Variants in NAALADL2 observed in about 807,000 individuals in gnomAD.
NAALADL2 encodes inactive N-acetylated-alpha-linked acidic dipeptidase-like protein 2.
NAALADL2 carries 76 observed loss-of-function variants against 87.2 expected under a neutral mutation model. That is an observed-to-expected ratio of 0.87 (90% CI 0.72 to 1.05). The LOEUF (loss-of-function observed/expected upper bound fraction) is 1.05, where lower values mean the gene tolerates loss of function less well. Among genes scored for constraint, NAALADL2 ranks in the 50% least tolerant of loss-of-function variants. NAALADL2 has a pLI of 0.00. For synonymous variants in NAALADL2, 354 were observed against 331.0 expected, an observed-to-expected ratio of 1.07 and a Z score of -0.75; for missense variants, 1,089 against 945.8, an observed-to-expected ratio of 1.15 and a Z score of -1.99.
intron 1 of NAALADL2, among the ~76,000 whole-genome samples, chr3:174,466,258 T>G (rs1350424245): frequency 6.6e-6 from 1 of 152,118 alleles, no homozygotes; most frequent in African/African-American, 2.4e-5. Context: ...ATAAAGTTTC[T>G]TAAAACATTA....
chr3:174,988,361 A>G (rs1036063295), intron 1 of NAALADL2, among the ~76,000 whole-genome samples: 1 of 152,232 alleles, frequency 6.6e-6, no homozygotes, highest in African/African-American at 2.4e-5. Flanking sequence ...GTCAGGACTT[A>G]TATTACTTAA....
intron 2 of NAALADL2, among the ~76,000 whole-genome samples, chr3:175,147,812 G>A (rs1580693698): frequency 2.0e-5 from 3 of 152,170 alleles, no homozygotes; most frequent in African/African-American, 7.2e-5. Flanking sequence ...GCTCACGCCT[G>A]TAATCCCAGC....
At chr3:175,598,108 A>G (rs1054736157) in intron 10 of NAALADL2, among the ~76,000 whole-genome samples, 1 of 152,008 alleles carries the variant, frequency 6.6e-6, no homozygotes, top group Non-Finnish European at 1.5e-5. Flanking sequence ...CAATCTTGTT[A>G]GTTTCATGCT....
intron 11 of NAALADL2, among the ~76,000 whole-genome samples, chr3:175,655,138 A>G (rs930485171): frequency 2.6e-5 from 4 of 152,136 alleles, no homozygotes; most frequent in African/African-American, 4.8e-5. Context: ...GTTAACATTT[A>G]TCTCAACTGT....
At chr3:174,524,141 A>T (rs1044272007) in intron 1 of NAALADL2, among the ~76,000 whole-genome samples, 3 of 152,314 alleles carry the variant, frequency 2.0e-5, no homozygotes, top group South Asian at 4.1e-4. Flanking sequence ...TGTATTAAAA[A>T]TTTTTACTGA....
At chr3:175,137,343 A>C (rs1272356236) in intron 2 of NAALADL2, among the ~76,000 whole-genome samples, 1 of 152,112 alleles carries the variant, frequency 6.6e-6, no homozygotes, top group African/African-American at 2.4e-5. Flanking sequence ...ACGTTATATC[A>C]TTAGAATTTC....
chr3:175,119,973 C>T (rs184011230), intron 2 of NAALADL2, among the ~76,000 whole-genome samples: 29 of 149,938 alleles, frequency 1.9e-4, no homozygotes, highest in African/African-American at 6.8e-4. Flanking sequence ...GGGGAAAGGC[C>T]GGTGTTGTAA....
At chr3:175,509,857 T>A (rs532066078) in intron 9 of NAALADL2, among the ~76,000 whole-genome samples, 1 of 152,190 alleles carries the variant, frequency 6.6e-6, no homozygotes, top group Admixed American at 6.5e-5. Flanking sequence ...TATTTTATTT[T>A]ATTATTATTA....
intron 2 of NAALADL2, among the ~76,000 whole-genome samples, chr3:175,123,997 A>C (rs560039626): frequency 1.3e-5 from 2 of 152,112 alleles, no homozygotes; most frequent in East Asian, 3.9e-4. Flanking sequence ...AAAGAACATC[A>C]GGGTAGCCAT....
chr3:174,607,729 A>AC (rs1266887034), intron 2 of NAALADL2, among the ~76,000 whole-genome samples: 1 of 152,030 alleles, frequency 6.6e-6, no homozygotes, highest in African/African-American at 2.4e-5. Context: ...AGACTTTAAC[A>AC]CCCCCCTGTC....
intron 1 of NAALADL2, chr3:174,864,021 A>G (rs1020629081): frequency 6.6e-6 from 3 of 454,906 alleles, no homozygotes; most frequent in Non-Finnish European, 8.8e-6. Context: ...AAGTCTCATA[A>G]TCTCAAAACA....
At chr3:174,735,126 C>T (rs1311871963) in intron 2 of NAALADL2, among the ~76,000 whole-genome samples, 2 of 152,072 alleles carry the variant, frequency 1.3e-5, no homozygotes, top group Non-Finnish European at 2.9e-5. Flanking sequence ...GAGAGTGAAG[C>T]ACAAATAAGT....
At chr3:175,005,003 A>T (rs1748825416) in intron 1 of NAALADL2, among the ~76,000 whole-genome samples, 1 of 152,164 alleles carries the variant, frequency 6.6e-6, no homozygotes, top group African/African-American at 2.4e-5. Flanking sequence ...CACCTGAAAA[A>T]CAGAAAACGA....
At chr3:175,536,913 CG>C (rs1734899864) in intron 9 of NAALADL2, among the ~76,000 whole-genome samples, 1 of 152,074 alleles carries the variant, frequency 6.6e-6, no homozygotes, top group South Asian at 2.1e-4. Context: ...ACCCGGGAGG[CG>C]GAGCTTGCAA....
intron 1 of NAALADL2, among the ~76,000 whole-genome samples, chr3:174,918,559 C>A (rs745859368): frequency 6.6e-6 from 1 of 152,058 alleles, no homozygotes; most frequent in Non-Finnish European, 1.5e-5. Flanking sequence ...AAGGATCTGG[C>A]GGTTGATTGG....
intron 3 of NAALADL2, among the ~76,000 whole-genome samples, chr3:174,845,152 A>T (rs9834318): frequency 0.48 from 72,280 of 152,054 alleles, 17,835 homozygotes; most frequent in African/African-American, 0.61. Context: ...TGGGTTAATA[A>T]ACCTAAGCAC....
intron 3 of NAALADL2, among the ~76,000 whole-genome samples, chr3:174,766,981 A>G (rs1338178672): frequency 6.6e-6 from 1 of 152,170 alleles, no homozygotes; most frequent in Non-Finnish European, 1.5e-5. Flanking sequence ...CCTATTGTCC[A>G]TGTGAATGGC....
chr3:174,639,641 T>C (rs1017215435), intron 2 of NAALADL2, among the ~76,000 whole-genome samples: 2 of 152,202 alleles, frequency 1.3e-5, no homozygotes, highest in African/African-American at 4.8e-5. Flanking sequence ...AGGCTCAGCC[T>C]GCAGGGAGAA....
chr3:175,444,190 A>G (rs1413275706), intron 5 of NAALADL2, among the ~76,000 whole-genome samples: 3 of 152,186 alleles, frequency 2.0e-5, no homozygotes, highest in Non-Finnish European at 4.4e-5. Context: ...ATCATACAGC[A>G]TCTTAAGAAG....
Sources: gnomAD v4.1 joint callset for allele counts (sites outside exome capture counted in the v4.1 genomes callset) on GRCh38, gnomAD v4.1.1 for gene constraint, MANE v1.5 for transcripts, NCBI Gene and HGNC (gene_info 2026-07-23, HGNC 2026-07-21) for gene names.